MCC: variants seen among roughly 807,000 people sequenced by gnomAD.
The protein encoded by MCC is MCC regulator of Wnt signaling pathway, also known as colorectal mutant cancer protein.
In MCC, 90 loss-of-function variants were observed where a neutral mutation model predicts 116.2. The ratio of observed to expected loss-of-function variants is 0.77; its 90% CI spans 0.65 to 0.92. The LOEUF (loss-of-function observed/expected upper bound fraction) is 0.92. MCC is among the 40% of genes least tolerant of loss of function. The probability of loss-of-function intolerance (pLI) is 0.00; values close to 1 mark genes in which losing one functional copy is unlikely to be tolerated. For synonymous variants in MCC, 578 were observed against 510.5 expected, an observed-to-expected ratio of 1.13 and a Z score of -1.78; for missense variants, 1,516 against 1,312.2, an observed-to-expected ratio of 1.16 and a Z score of -2.40.
At chr5:113,036,409 G>A (rs1174141277) in intron 17 of MCC, among the ~76,000 whole-genome samples, 2 of 152,176 alleles carry the variant, frequency 1.3e-5, no homozygotes, top group African/African-American at 4.8e-5. Flanking sequence ...TGCAGAGCCT[G>A]TGCCCTTACG....
At chr5:113,157,801 T>C (rs1760255340) in intron 3 of MCC, among the ~76,000 whole-genome samples, 1 of 152,194 alleles carries the variant, frequency 6.6e-6, no homozygotes, top group South Asian at 2.1e-4. Context: ...TATACACTGT[T>C]TTTTCCTATA....
In MCC at chr5:113,068,200, G is replaced by A. The variant is rs776056515; in HGVS notation, c.1926-17C>T. The A allele has an allele frequency of 6.2e-7, 1 of 1,601,056 alleles. No individual in the cohort carries two copies. Among genetic ancestry groups the A allele is most frequent in the Non-Finnish European group, 8.6e-7 (1 of 1,168,432 alleles). On this transcript the variant is annotated splice_polypyrimidine_tract_variant and intron_variant, in intron 12 of 18. Coordinates refer to ENST00000408903, the MANE Select transcript of MCC (RefSeq NM_001085377.2). Reference sequence around the variant, plus strand: ...CACTGCTCGCTGAAACAAAGCACATGGGGCCTCAGCCCTTGCAGAGAACAG... The same window carrying A: ...CACTGCTCGCTGAAACAAAGCACATAGGGCCTCAGCCCTTGCAGAGAACAG...
intron 3 of MCC, among the ~76,000 whole-genome samples, chr5:113,206,313 C>A (rs921411846): frequency 2.0e-5 from 3 of 152,208 alleles, no homozygotes; most frequent in Non-Finnish European, 2.9e-5. Flanking sequence ...CCCATTTGCT[C>A]ATATGTGTAA....
In MCC at chr5:113,434,748, G is replaced by C. The variant is rs1234275424; in HGVS notation, c.171-49536C>G. ...CGCCACATTGAACTTCAGGCGCTCA[G>C]AGTAAGCAGATTTTACTTTTGCATA... On this transcript the variant is annotated intron_variant, in intron 1 of 18. Coordinates refer to ENST00000408903, the MANE Select transcript of MCC (RefSeq NM_001085377.2). This position sits in a 1 kb window ranked among gnomAD's most constrained non-coding sequence, Gnocchi z 4.2. 1 of 1,613,962 alleles carries C rather than the reference G, an allele frequency of 6.2e-7. No homozygotes were observed. The highest frequency in any genetic ancestry group is 8.5e-7 in the Non-Finnish European group (1 of 1,179,964).
At chr5:113,329,414 CCACACATACATATATA>C (rs150964733) in intron 3 of MCC, among the ~76,000 whole-genome samples, 4,775 of 151,152 alleles carry the variant, frequency 0.032, 239 homozygotes, top group African/African-American at 0.11. Context: ...AAACATATAT[CCACACATACATATATA>C]CACACATACA....
At chr5:113,429,885 C>A (rs1770580619) in intron 1 of MCC, among the ~76,000 whole-genome samples, 1 of 152,182 alleles carries the variant, frequency 6.6e-6, no homozygotes, top group South Asian at 2.1e-4. Context: ...AGAAGTAAAA[C>A]GTCCTGTGAG....
rs1751866237 is a variant in MCC, at chr5:113,043,522, G to A, written c.2756+8C>T. ...AAACACCAGCTGGGGTGGGGAAAGG[G>A]TGCTTACCGACGAATGGCGTTGGTG... On this transcript the variant is annotated splice_region_variant and intron_variant, in intron 17 of 18. Coordinates refer to ENST00000408903, the MANE Select transcript of MCC (RefSeq NM_001085377.2). 6.2e-7 allele frequency: 1 copy of A among 1,612,778 alleles called. No individual in the cohort carries two copies. The highest frequency in any genetic ancestry group is 8.5e-7 in the Non-Finnish European group (1 of 1,179,218).
intron 14 of MCC, among the ~76,000 whole-genome samples, chr5:113,060,343 C>A (rs1753133222): frequency 6.6e-6 from 1 of 152,106 alleles, no homozygotes; most frequent in African/African-American, 2.4e-5. Context: ...TTAATAGCAA[C>A]AGGATTTCAC....
Position 113,488,354 on chromosome 5 carries a change from C to CGCTGCT in MCC, c.60_61insAGCAGC (p.Gly20_Gly21insSerSer). On this transcript the variant is annotated inframe_insertion, in exon 1 of 19. Transcript: ENST00000408903. Reference sequence around the variant, plus strand: ...CTGCTGCTGCTGCTGCTGCCGCTGCCGCCGCCGCCGCCGCCGCTGCTGGAG... The same window carrying CGCTGCT: ...CTGCTGCTGCTGCTGCTGCCGCTGCCGCTGCTGCCGCCGCCGCCGCCGCTGCTGGAG... 2 of 1,389,846 alleles carry CGCTGCT rather than the reference C, an allele frequency of 1.4e-6. No individual in the cohort carries two copies. Among genetic ancestry groups the CGCTGCT allele is most frequent in the South Asian group, 1.4e-5 (1 of 71,488 alleles). 86.1% of individuals were successfully genotyped at this position (1,389,846 alleles called of 1,614,324 possible).
intron 3 of MCC, among the ~76,000 whole-genome samples, chr5:113,337,526 G>C (rs950493863): frequency 6.6e-6 from 1 of 152,088 alleles, no homozygotes; most frequent in African/African-American, 2.4e-5. Context: ...CTTTCCTTGG[G>C]AACAGCCTTA....
intron 6 of MCC, among the ~76,000 whole-genome samples, chr5:113,111,835 G>A (rs973611764): frequency 4.6e-5 from 7 of 152,320 alleles, no homozygotes; most frequent in East Asian, 3.9e-4. Context: ...GAATCCTAAT[G>A]AGCCTTCTGG....
intron 3 of MCC, among the ~76,000 whole-genome samples, chr5:113,253,840 T>C (rs1475124441): frequency 6.6e-6 from 1 of 152,052 alleles, no homozygotes; most frequent in Non-Finnish European, 1.5e-5. Context: ...AACATCCATA[T>C]AGAAAAGATT....
chr5:113,275,047 C>CCTTT (rs925006183), intron 3 of MCC, among the ~76,000 whole-genome samples: 3 of 152,174 alleles, frequency 2.0e-5, no homozygotes, highest in Non-Finnish European at 4.4e-5. Context: ...CAGCTTGTGG[C>CCTTT]CTTCCCTTTA....
intron 2 of MCC, among the ~76,000 whole-genome samples, chr5:113,361,801 T>C (rs1768555106): frequency 6.6e-6 from 1 of 152,222 alleles, no homozygotes; most frequent in East Asian, 1.9e-4. Context: ...AGCTTGTATA[T>C]CCATCTTCTC....
chr5:113,464,209 T>C (rs1771834089), intron 1 of MCC, among the ~76,000 whole-genome samples: 1 of 152,148 alleles, frequency 6.6e-6, no homozygotes. Flanking sequence ...ACAGTAAATA[T>C]AGGCAATCAA....
chr5:113,409,172 A>C (rs2150401855), intron 1 of MCC, among the ~76,000 whole-genome samples: 1 of 152,286 alleles, frequency 6.6e-6, no homozygotes, highest in South Asian at 2.1e-4. Flanking sequence ...TCTGCACTTA[A>C]AAATGTAAAA....
chr5:113,432,589 CTG>C (rs1414410365), intron 1 of MCC: 1 of 152,130 alleles, frequency 6.6e-6, no homozygotes, highest in African/African-American at 2.4e-5. Context: ...GATAAAGAAA[CTG>C]AGACATATAG....
chr5:113,118,868 G>C (rs1352287005), intron 6 of MCC, among the ~76,000 whole-genome samples: 1 of 152,208 alleles, frequency 6.6e-6, no homozygotes, highest in Non-Finnish European at 1.5e-5. Flanking sequence ...CCAAGTGTTT[G>C]TCCTCCTGGG....
intron 2 of MCC, among the ~76,000 whole-genome samples, chr5:113,373,562 G>A (rs1034178753): frequency 1.1e-4 from 16 of 152,096 alleles, no homozygotes; most frequent in Non-Finnish European, 1.3e-4. Context: ...GAATGGGGTG[G>A]GGGAAGGTTT....
Sources: gnomAD v4.1 joint callset for allele counts (sites outside exome capture counted in the v4.1 genomes callset) on GRCh38, gnomAD v4.1.1 for gene constraint, Gnocchi (gnomAD v3.1) non-coding constraint, MANE v1.5 for transcripts, NCBI Gene and HGNC (gene_info 2026-07-23, HGNC 2026-07-21) for gene names.